Variants in ZNF30 observed in about 807,000 individuals in gnomAD.
ZNF30 encodes zinc finger protein 30.
Under a neutral mutation model 13.2 loss-of-function variants are expected in ZNF30, and 15 were observed. That is an observed-to-expected ratio of 1.13 (90% CI 0.76 to 1.75). ZNF30 has a LOEUF of 1.75. ZNF30 is among the 40% of genes most tolerant of loss of function. ZNF30 has a pLI of 0.00. For synonymous variants in ZNF30, 223 were observed against 256.6 expected (o/e 0.87, Z 1.25); for missense variants, 726 against 757.0 (o/e 0.96, Z 0.48).
chr19:34,932,624 A>G (rs902718406), intron 3 of ZNF30, among the ~76,000 whole-genome samples: 1 of 152,170 alleles, frequency 6.6e-6, no homozygotes, highest in Non-Finnish European at 1.5e-5. Context: ...CAAGCACTCT[A>G]TAGGTGCTAA....
At position 34,943,944 on chromosome 19, in the gene ZNF30, T is replaced by A; in HGVS notation, c.978T>A (p.Thr326=). ...YECKECGKSF[T]VYGQLTRHQS... ...GTAAGGAGTGTGGGAAGTCCTTCAC[T>A]GTGTATGGACAGCTTACTCGACATC... The change falls in exon 5 of 5, where the codon ACT becomes ACA. Residue 326 remains threonine (T), a synonymous_variant. Transcript: ENST00000601142. The A allele has an allele frequency of 6.2e-7, 1 of 1,614,036 alleles. No homozygotes were observed. Among genetic ancestry groups the A allele is most frequent in the Non-Finnish European group, 8.5e-7 (1 of 1,179,990 alleles).
intron 4 of ZNF30, among the ~76,000 whole-genome samples, chr19:34,938,492 A>G (rs893075145): frequency 1.3e-5 from 2 of 152,134 alleles, no homozygotes; most frequent in Admixed American, 6.5e-5. Flanking sequence ...AAAACTCCAT[A>G]ATAATCTTCA....
chr19:34,932,680 A>C (rs745993802), intron 3 of ZNF30, among the ~76,000 whole-genome samples: 3 of 152,110 alleles, frequency 2.0e-5, no homozygotes, highest in Non-Finnish European at 4.4e-5. Flanking sequence ...TGTTTAAGTG[A>C]GTTACGCAAG....
upstream of ZNF30, among the ~76,000 whole-genome samples, chr19:34,924,513 T>C (rs531037698): frequency 2.6e-4 from 39 of 152,298 alleles, no homozygotes; most frequent in South Asian, 8.1e-3. Context: ...GTACATAATT[T>C]GGCCCTTAAT....
rs371280475 is a variant in ZNF30 at position 34,926,919 on chromosome 19, G to C, written c.-362G>C. 1.1e-3 allele frequency: 425 copies of C among 398,396 alleles called. 13 individuals are homozygous for C. The highest frequency in any genetic ancestry group is 7.9e-3 in the African/African-American group (386 of 48,732). 24.7% of individuals were successfully genotyped at this position (398,396 alleles called of 1,614,324 possible). A position where few individuals can be genotyped will look rare whatever the true frequency, so the allele number is the denominator to read the frequency against. ...GTGGGCGGCCTTGTGGACTGCGCCG[G>C]GCATGCTCGGCGGTGTGACGGCTCA... On this transcript the variant is annotated 5_prime_UTR_variant, in exon 1 of 5. Transcript: ENST00000601142.
intron 4 of ZNF30, among the ~76,000 whole-genome samples, chr19:34,940,506 A>G (rs2012988187): frequency 6.6e-6 from 1 of 151,940 alleles, no homozygotes; most frequent in African/African-American, 2.4e-5. Context: ...TGTCTTTACT[A>G]AAAATACAAA....
chr19:34,937,284 A>T (rs1303363775), intron 4 of ZNF30, among the ~76,000 whole-genome samples: 1 of 152,228 alleles, frequency 6.6e-6, no homozygotes, highest in East Asian at 1.9e-4. Context: ...AAATGCAGGG[A>T]TTACAGGCGT....
chr19:34,939,531 C>G (rs2012930917), intron 4 of ZNF30, among the ~76,000 whole-genome samples: 1 of 152,122 alleles, frequency 6.6e-6, no homozygotes, highest in South Asian at 2.1e-4. Context: ...CCAGGCTGGT[C>G]TCAAATTCCT....
intron 4 of ZNF30, among the ~76,000 whole-genome samples, chr19:34,935,947 A>G (rs1159550376): frequency 6.6e-6 from 1 of 152,026 alleles, no homozygotes; most frequent in Non-Finnish European, 1.5e-5. Flanking sequence ...CACGTCTTAC[A>G]TGGCAGCAGA....
chr19:34,935,700 G>GTTTTTTTTTTTTTTTTTTTTT (rs142285130), intron 4 of ZNF30, among the ~76,000 whole-genome samples: 1 of 84,222 alleles, frequency 1.2e-5, no homozygotes, highest in Non-Finnish European at 2.2e-5. Context: ...GTTGTCTATA[G>GTTTTTTTTTTTTTTTTTTTTT]TTTTTTTTTT....
Position 34,943,741 on chromosome 19 carries a change from C to A in ZNF30, c.775C>A (p.Pro259Thr), listed in dbSNP as rs748755689. 1.1e-5 allele frequency: 18 copies of A among 1,613,774 alleles called. No homozygotes were observed. The highest frequency in any genetic ancestry group is 1.5e-5 in the Non-Finnish European group (18 of 1,179,864). The change falls in exon 5 of 5, where the codon CCC becomes ACC. Residue 259 changes from proline to threonine, a missense_variant. Transcript: ENST00000601142. Reference sequence around the variant, plus strand: ...TCAGAGTACTCACACTGGTGAAAAACCCTTTGGGTGTGAGGAGTGTGGGAA... The same window carrying A: ...TCAGAGTACTCACACTGGTGAAAAAACCTTTGGGTGTGAGGAGTGTGGGAA... ...RHQSTHTGEK[P>T]FGCEECGKAF...
rs386388919 is a variant in ZNF30 at position 34,928,208 on chromosome 19, T to TA, written c.-65+1005dup. Among the ~76,000 whole-genome samples, 361 of 70,468 alleles carry TA rather than the reference T, an allele frequency of 5.1e-3. 2 individuals carry two copies. The highest frequency in any genetic ancestry group is 9.7e-3 in the East Asian group (26 of 2,690). 46.2% of individuals were successfully genotyped at this position (70,468 alleles called of 152,430 possible). Reference sequence around the variant, plus strand: ...GGGCGACAGAGCGAGATCCCTTCTCTAAAAAAAAAAAAATATATATATATA... The same window carrying TA: ...GGGCGACAGAGCGAGATCCCTTCTCTAAAAAAAAAAAAAATATATATATATA... On this transcript the variant is annotated intron_variant, in intron 1 of 4. Coordinates refer to ENST00000601142, the MANE Select transcript of ZNF30 (RefSeq NM_194325.3).
upstream of ZNF30, chr19:34,926,898 G>A (rs1382012705): frequency 7.5e-6 from 3 of 398,050 alleles, no homozygotes; most frequent in Non-Finnish European, 8.9e-6. Flanking sequence ...GCGCCGGTGG[G>A]CGGCCTTGTG....
At chr19:34,926,800 C>A, upstream of ZNF30, 1 of 395,974 alleles carries the variant, frequency 2.5e-6, no homozygotes. Flanking sequence ...GTGTCAGACG[C>A]CCCAGCTTCG....
chr19:34,928,219 AAATATAT>A (rs1377670117), intron 1 of ZNF30, among the ~76,000 whole-genome samples: 71 of 62,878 alleles, frequency 1.1e-3, no homozygotes, highest in African/African-American at 7.2e-3. Flanking sequence ...AAAAAAAAAA[AAATATAT>A]ATATATATAT....
chr19:34,929,240 G>A (rs1217343682), intron 1 of ZNF30, among the ~76,000 whole-genome samples: 1 of 152,076 alleles, frequency 6.6e-6, no homozygotes, highest in African/African-American at 2.4e-5. Context: ...CCAAGATGGC[G>A]CCACTGCACT....
In ZNF30 at chr19:34,943,861, A is replaced by T; in HGVS notation, c.895A>T (p.Thr299Ser). ...ECKECGKAFSTSSPLAKHQRI... is the reference protein window; with the variant it reads ...ECKECGKAFSSSSPLAKHQRI... ...CAAAGAATGTGGGAAGGCCTTTAGCACTAGCTCACCCCTTGCTAAGCATCA... is the reference window on the plus strand; with the variant it reads ...CAAAGAATGTGGGAAGGCCTTTAGCTCTAGCTCACCCCTTGCTAAGCATCA... The change falls in exon 5 of 5, where the codon ACT (threonine) becomes TCT (serine). Residue 299 changes from threonine (T) to serine (S), a missense_variant. Thr to Ser is a moderately conservative substitution (Grantham distance 58, BLOSUM62 1). Coordinates refer to ENST00000601142, the MANE Select transcript of ZNF30 (RefSeq NM_194325.3). 1 of 1,614,052 alleles carries T rather than the reference A, an allele frequency of 6.2e-7. No individual in the cohort carries two copies. The highest frequency in any genetic ancestry group is 8.5e-7 in the Non-Finnish European group (1 of 1,180,006).
rs535825836 is a variant in ZNF30, at chr19:34,929,866, C to T, written c.-64-18C>T. ...TGAGAACACTAAAGCCTCCTTTTCTCCTCTCTGGATTTTCTAGCTTTTGAA... is the reference window on the plus strand; with the variant it reads ...TGAGAACACTAAAGCCTCCTTTTCTTCTCTCTGGATTTTCTAGCTTTTGAA... On this transcript the variant is annotated intron_variant, in intron 1 of 4. Transcript: ENST00000601142. 6.0e-5 allele frequency: 80 copies of T among 1,336,810 alleles called. 2 individuals carry two copies. The South Asian group carries it at 1.1e-3, about 18-fold the overall frequency. The allele number at this position is 1,336,810 out of a possible 1,614,324, so 82.8% of individuals were successfully genotyped here. A position where few individuals can be genotyped will look rare whatever the true frequency, so the allele number is the denominator to read the frequency against.
intron 4 of ZNF30, among the ~76,000 whole-genome samples, chr19:34,941,086 G>T (rs1209101142): frequency 6.6e-6 from 1 of 152,172 alleles, no homozygotes; most frequent in East Asian, 1.9e-4. Context: ...TGAACCAGTT[G>T]CCTATCCAGT....
Sources: allele counts gnomAD v4.1 joint callset (sites outside exome capture counted in the v4.1 genomes callset), GRCh38; gene constraint gnomAD v4.1.1; transcripts MANE v1.5; gene names NCBI Gene and HGNC (gene_info 2026-07-23, HGNC 2026-07-21).